HTR4: variants seen among roughly 807,000 people sequenced by gnomAD.
The protein encoded by HTR4 is 5-hydroxytryptamine receptor 4.
A neutral mutation model predicts 36.8 loss-of-function variants in HTR4; 16 were observed. The observed-to-expected ratio is 0.43, with a 90% CI of 0.29 to 0.66. The LOEUF (loss-of-function observed/expected upper bound fraction) is 0.66, where lower values mean the gene tolerates loss of function less well. Ranked by LOEUF, HTR4 falls within the 30% of genes least tolerant of loss-of-function variation. The probability of loss-of-function intolerance (pLI) is 0.13; values close to 1 mark genes in which losing one functional copy is unlikely to be tolerated. For missense variants in HTR4, 438 were observed against 490.9 expected, an observed-to-expected ratio of 0.89 and a Z score of 1.02; for synonymous variants, 189 against 185.1, an observed-to-expected ratio of 1.02 and a Z score of -0.17.
At chr5:148,588,689 C>T (rs948941356) in intron 2 of HTR4, among the ~76,000 whole-genome samples, 3 of 150,438 alleles carry the variant, frequency 2.0e-5, no homozygotes, top group South Asian at 2.1e-4. Context: ...TACAGGCGCC[C>T]GCCACCGCGC....
intron 2 of HTR4, among the ~76,000 whole-genome samples, chr5:148,608,477 G>T (rs1208538410): frequency 1.3e-5 from 2 of 152,088 alleles, no homozygotes; most frequent in African/African-American, 4.8e-5. Flanking sequence ...TGCCATTTAT[G>T]GAAAAATGGA....
At chr5:148,456,612 A>C (rs1169491924) in intron 5 of HTR4, among the ~76,000 whole-genome samples, 1 of 152,218 alleles carries the variant, frequency 6.6e-6, no homozygotes, top group East Asian at 1.9e-4. Flanking sequence ...CAAATGCCTT[A>C]ACAGAAGGGC....
At chr5:148,477,751 C>A (rs1239646118), downstream of HTR4, among the ~76,000 whole-genome samples, 10 of 152,164 alleles carry the variant, frequency 6.6e-5, no homozygotes, top group Non-Finnish European at 1.2e-4. Flanking sequence ...TCTCTGATCC[C>A]ATCTCCTACC....
chr5:148,550,991 C>A (rs1222802173), intron 2 of HTR4, among the ~76,000 whole-genome samples: 1 of 152,148 alleles, frequency 6.6e-6, no homozygotes, highest in Non-Finnish European at 1.5e-5. Context: ...CAGATTTGAG[C>A]TTTGCCTCCT....
intron 2 of HTR4, among the ~76,000 whole-genome samples, chr5:148,551,134 G>C (rs1032607588): frequency 6.6e-6 from 1 of 152,202 alleles, no homozygotes. Flanking sequence ...GGTTGTTACT[G>C]AGCAAGTTAC....
intron 6 of HTR4, among the ~76,000 whole-genome samples, chr5:148,497,613 G>A (rs969155491): frequency 2.6e-5 from 4 of 152,150 alleles, no homozygotes; most frequent in Admixed American, 6.5e-5. Flanking sequence ...CTGCCACTAT[G>A]TGCACTATGG....
chr5:148,561,850 G>T (rs183438142), intron 2 of HTR4, among the ~76,000 whole-genome samples: 5 of 152,300 alleles, frequency 3.3e-5, no homozygotes, highest in Admixed American at 2.0e-4. Context: ...TCAAGGAAAA[G>T]TGGACTTTCC....
chr5:148,649,391 T>A (rs1413245062), intron 1 of HTR4, among the ~76,000 whole-genome samples: 1 of 152,170 alleles, frequency 6.6e-6, no homozygotes, highest in Admixed American at 6.5e-5. Flanking sequence ...TCTACATAAA[T>A]ATGCAGACTT....
chr5:148,544,514 C>T lies in HTR4; in HGVS notation c.353+4154G>A, dbSNP rs374683345. ...ATTTCTCATGGTTTTCAATGGCTGC[C>T]TTATATTTCACTTTTAAAACTAGTA... is the stretch of plus-strand genomic sequence containing the variant. On this transcript the variant is annotated intron_variant, in intron 4 of 6. Coordinates refer to ENST00000377888, the MANE Select transcript of HTR4 (RefSeq NM_000870.7). Among the ~76,000 whole-genome samples the T allele has an allele frequency of 4.0e-4, 61 of 152,178 alleles. No homozygotes were observed. The East Asian group carries it at 9.3e-3, about 23-fold the overall frequency.
chr5:148,555,676 C>T (rs1316281227), intron 2 of HTR4, among the ~76,000 whole-genome samples: 1 of 152,174 alleles, frequency 6.6e-6, no homozygotes, highest in East Asian at 1.9e-4. Context: ...TCGTTGACAG[C>T]TATTCTTATG....
chr5:148,517,653 C>T (rs1320293939), intron 5 of HTR4, among the ~76,000 whole-genome samples: 1 of 151,434 alleles, frequency 6.6e-6, no homozygotes, highest in East Asian at 1.9e-4. Flanking sequence ...AAAAAAAATC[C>T]TGTTGGTTAA....
chr5:148,501,118 A>G (rs1420182538), intron 6 of HTR4, among the ~76,000 whole-genome samples: 1 of 152,246 alleles, frequency 6.6e-6, no homozygotes, highest in Non-Finnish European at 1.5e-5. Context: ...ACAGCAAATA[A>G]TTAAATAAAT....
chr5:148,634,890 G>C (rs975732280), intron 2 of HTR4, among the ~76,000 whole-genome samples: 3 of 151,968 alleles, frequency 2.0e-5, no homozygotes, highest in African/African-American at 7.2e-5. Flanking sequence ...TTTCCAAGTG[G>C]GGACATCCCT....
At chr5:148,527,134 T>G (rs1758318566) in intron 4 of HTR4, among the ~76,000 whole-genome samples, 1 of 152,194 alleles carries the variant, frequency 6.6e-6, no homozygotes, top group Non-Finnish European at 1.5e-5. Flanking sequence ...AAATATCACA[T>G]GTACCCCATA....
chr5:148,576,851 CA>C (rs1760941918), intron 2 of HTR4, among the ~76,000 whole-genome samples: 1 of 151,916 alleles, frequency 6.6e-6, no homozygotes, highest in Non-Finnish European at 1.5e-5. Flanking sequence ...ATGTAAAACC[CA>C]AAACTATAAC....
At chr5:148,618,032 A>C (rs1356737114) in intron 2 of HTR4, among the ~76,000 whole-genome samples, 1 of 151,620 alleles carries the variant, frequency 6.6e-6, no homozygotes, top group African/African-American at 2.4e-5. Context: ...CTCTCTCCAA[A>C]ACGTGAGGAG....
chr5:148,491,293 C>T (rs912689534), intron 6 of HTR4, among the ~76,000 whole-genome samples: 3 of 152,210 alleles, frequency 2.0e-5, no homozygotes, highest in Non-Finnish European at 2.9e-5. Flanking sequence ...TCCTAGAAAC[C>T]GTATCAGTCG....
chr5:148,570,215 C>T (rs978320528), intron 2 of HTR4, among the ~76,000 whole-genome samples: 1 of 152,138 alleles, frequency 6.6e-6, no homozygotes, highest in Non-Finnish European at 1.5e-5. Context: ...TTTGTTCATT[C>T]AACCATTCCT....
At chr5:148,589,821 C>T (rs77596954) in intron 2 of HTR4, among the ~76,000 whole-genome samples, 20,345 of 151,870 alleles carry the variant, frequency 0.13, 1,556 homozygotes, top group African/African-American at 0.19. Context: ...AATTAATATG[C>T]CACCTCACAA....
Sources: gnomAD v4.1 joint callset for allele counts (sites outside exome capture counted in the v4.1 genomes callset) on GRCh38, gnomAD v4.1.1 for gene constraint, MANE v1.5 for transcripts, NCBI Gene and HGNC (gene_info 2026-07-23, HGNC 2026-07-21) for gene names.